Variants in RALGPS2 observed in about 807,000 individuals in gnomAD.
RALGPS2 encodes the protein Ral GEF with PH domain and SH3 binding motif 2, also known as ras-specific guanine nucleotide-releasing factor RalGPS2.
Under a neutral mutation model 86.8 loss-of-function variants are expected in RALGPS2, and 43 were observed. The ratio of observed to expected loss-of-function variants is 0.50; its 90% CI spans 0.39 to 0.64. RALGPS2 has a LOEUF of 0.64. RALGPS2 is among the 30% of genes least tolerant of loss of function. The pLI is 0.00. For missense variants in RALGPS2, 536 were observed against 694.6 expected, an observed-to-expected ratio of 0.77 and a Z score of 2.57; for synonymous variants, 243 against 231.3, an observed-to-expected ratio of 1.05 and a Z score of -0.46.
intron 19 of RALGPS2, among the ~76,000 whole-genome samples, chr1:178,907,883 C>G (rs1479777198): frequency 2.6e-5 from 4 of 152,156 alleles, no homozygotes; most frequent in African/African-American, 4.8e-5. Context: ...ACAGGTCACA[C>G]AAGTAAAAAA....
At chr1:178,784,570 A>G in intron 3 of RALGPS2, 48 bp downstream of exon 3, 1 of 1,362,634 alleles carries the variant, frequency 7.3e-7, no homozygotes, top group South Asian at 1.6e-5. Context: ...TAATTTACAT[A>G]TTGGTGCTAT....
intron 8 of RALGPS2, chr1:178,865,570 CT>C (rs764025237): frequency 6.2e-7 from 1 of 1,614,068 alleles, no homozygotes; most frequent in Non-Finnish European, 8.5e-7. Context: ...CATCTTGCCC[CT>C]TGGTGTTGAC....
intron 1 of RALGPS2, among the ~76,000 whole-genome samples, chr1:178,766,070 G>A (rs1353127903): frequency 6.6e-6 from 1 of 152,190 alleles, no homozygotes; most frequent in Non-Finnish European, 1.5e-5. Context: ...GACAGGCATA[G>A]GAAGTCACAA....
chr1:178,742,532 G>A (rs1651094547), intron 1 of RALGPS2, among the ~76,000 whole-genome samples: 1 of 152,136 alleles, frequency 6.6e-6, no homozygotes, highest in Non-Finnish European at 1.5e-5. Flanking sequence ...TCTTCTCTCA[G>A]TAAATGATAG....
chr1:178,835,296 G>A (rs1176900652), intron 8 of RALGPS2, among the ~76,000 whole-genome samples: 1 of 151,848 alleles, frequency 6.6e-6, no homozygotes, highest in African/African-American at 2.4e-5. Flanking sequence ...TTTCTTCTTT[G>A]AGCCTTGTTC....
chr1:178,768,996 C>T (rs1652651221), intron 1 of RALGPS2, among the ~76,000 whole-genome samples: 1 of 152,112 alleles, frequency 6.6e-6, no homozygotes, highest in Non-Finnish European at 1.5e-5. Context: ...GGCTGCTGTT[C>T]CAGATGAGCA....
intron 4 of RALGPS2, among the ~76,000 whole-genome samples, chr1:178,802,640 G>C (rs918165348): frequency 6.6e-6 from 1 of 152,108 alleles, no homozygotes. Flanking sequence ...CACGAGGTGG[G>C]TACAAAATTA....
intron 19 of RALGPS2, among the ~76,000 whole-genome samples, chr1:178,913,149 G>A (rs755399586): frequency 1.6e-4 from 25 of 152,168 alleles, no homozygotes; most frequent in Middle Eastern, 3.4e-3. Context: ...GGGCATGTTG[G>A]TGCATACCTG....
intron 7 of RALGPS2, among the ~76,000 whole-genome samples, chr1:178,822,029 G>A (rs754568077): frequency 2.0e-5 from 3 of 152,042 alleles, no homozygotes; most frequent in South Asian, 4.1e-4. Context: ...GCATTTAATC[G>A]TAAAGATTAT....
At chr1:178,853,656 T>G in intron 8 of RALGPS2, 1 of 1,612,594 alleles carries the variant, frequency 6.2e-7, no homozygotes, top group Non-Finnish European at 8.5e-7. Flanking sequence ...TGAATAACAG[T>G]CCAACCCCCA....
intron 8 of RALGPS2, among the ~76,000 whole-genome samples, chr1:178,851,555 G>T (rs1414502781): frequency 6.6e-6 from 1 of 151,852 alleles, no homozygotes; most frequent in Non-Finnish European, 1.5e-5. Context: ...TTTTAAAAAG[G>T]GGGATTTAAT....
intron 1 of RALGPS2, among the ~76,000 whole-genome samples, chr1:178,733,753 GA>G (rs1429870847): frequency 6.6e-6 from 1 of 152,200 alleles, no homozygotes. Flanking sequence ...TGCATCAGAG[GA>G]CATGTACATT....
rs56005938 is a variant in RALGPS2, at chr1:178,828,883, T to C, written c.481-4541T>C. ...ATGGAGATTCCCCCAAAAATAATAA[T>C]AGAACAATTATGTGATCCAGCAATC... is the stretch of plus-strand genomic sequence containing the variant. On this transcript the variant is annotated intron_variant, in intron 7 of 19. Coordinates refer to ENST00000367635, the MANE Select transcript of RALGPS2 (RefSeq NM_152663.5). Among the ~76,000 whole-genome samples, 381 of 152,208 alleles carry C rather than the reference T, an allele frequency of 2.5e-3. 1 individual carries two copies. The highest frequency in any genetic ancestry group is 6.8e-3 in the Middle Eastern group (2 of 294).
At chr1:178,813,747 G>T (rs934808891) in intron 6 of RALGPS2, among the ~76,000 whole-genome samples, 3 of 152,150 alleles carry the variant, frequency 2.0e-5, no homozygotes, top group African/African-American at 4.8e-5. Context: ...TCTTGAAGCA[G>T]AATTTCTTTT....
chr1:178,860,046 C>A (rs1657890884), intron 8 of RALGPS2, among the ~76,000 whole-genome samples: 1 of 152,020 alleles, frequency 6.6e-6, no homozygotes, highest in Admixed American at 6.6e-5. Flanking sequence ...GGCAACTGGA[C>A]CCCAGAAAGC....
At chr1:178,778,784 T>G (rs1262273655) in intron 2 of RALGPS2, among the ~76,000 whole-genome samples, 1 of 151,034 alleles carries the variant, frequency 6.6e-6, no homozygotes, top group Non-Finnish European at 1.5e-5. Context: ...CTCAGTAAAC[T>G]ATCGCAAGAA....
intron 1 of RALGPS2, among the ~76,000 whole-genome samples, chr1:178,762,490 C>T (rs1652294832): frequency 6.6e-6 from 1 of 152,152 alleles, no homozygotes; most frequent in South Asian, 2.1e-4. Context: ...TAAACATTTC[C>T]AGTTCTCTGC....
chr1:178,761,816 C>T (rs1391630945), intron 1 of RALGPS2, among the ~76,000 whole-genome samples: 1 of 152,102 alleles, frequency 6.6e-6, no homozygotes, highest in Non-Finnish European at 1.5e-5. Context: ...CCGCCTTCAC[C>T]TCCTGTTTTT....
At chr1:178,863,895 C>G (rs1462408919) in intron 8 of RALGPS2, among the ~76,000 whole-genome samples, 4 of 152,100 alleles carry the variant, frequency 2.6e-5, no homozygotes, top group African/African-American at 9.7e-5. Context: ...TCTTTCTAGT[C>G]TTTAGTCTGT....
Sources: allele counts gnomAD v4.1 joint callset (sites outside exome capture counted in the v4.1 genomes callset), GRCh38; gene constraint gnomAD v4.1.1; transcripts MANE v1.5; gene names NCBI Gene and HGNC (gene_info 2026-07-23, HGNC 2026-07-21).